Variants in CTNNA3 observed in about 807,000 individuals in gnomAD.
CTNNA3 encodes the protein catenin alpha-3.
A neutral mutation model predicts 95.7 loss-of-function variants in CTNNA3; 76 were observed. The observed-to-expected ratio is 0.79, with a 90% CI of 0.66 to 0.96. CTNNA3 has a LOEUF of 0.96. Ranked by LOEUF, CTNNA3 falls within the 40% of genes least tolerant of loss-of-function variation. CTNNA3 has a pLI of 0.00. For missense variants in CTNNA3, 1,191 were observed against 1,089.8 expected (o/e 1.09, Z -1.31); for synonymous variants, 431 against 374.4 (o/e 1.15, Z -1.74).
chr10:66,096,762 G>C (rs924596748), intron 14 of CTNNA3, among the ~76,000 whole-genome samples: 1 of 151,988 alleles, frequency 6.6e-6, no homozygotes, highest in Non-Finnish European at 1.5e-5. Context: ...GGCCTCAAGT[G>C]ATCCACCCAC....
intron 4 of CTNNA3, among the ~76,000 whole-genome samples, chr10:67,538,280 T>C (rs1840551645): frequency 6.7e-6 from 1 of 148,702 alleles, no homozygotes; most frequent in Non-Finnish European, 1.5e-5. Context: ...CAATAGTGAA[T>C]ACAAGAAAGA....
chr10:67,647,579 C>T (rs1403217740), intron 1 of CTNNA3, 61 bp from the exon 2 acceptor site: 3 of 1,352,738 alleles, frequency 2.2e-6, no homozygotes. Context: ...AAGAAGAACA[C>T]TTATGAAATC....
At position 67,547,267 on chromosome 10, in the gene CTNNA3, T is replaced by C. The variant is rs116029862; in HGVS notation, c.293-7598A>G. Among the ~76,000 whole-genome samples the C allele has an allele frequency of 7.3e-3, 1,119 of 152,284 alleles. 18 individuals carry two copies. The highest frequency in any genetic ancestry group is 0.026 in the African/African-American group (1,071 of 41,564). Reference sequence around the variant, plus strand: ...CATATGCACAATTCCTAGATTTCAATATTTTATGTATGATTTAAAAGTTCT... The same window carrying C: ...CATATGCACAATTCCTAGATTTCAACATTTTATGTATGATTTAAAAGTTCT... On this transcript the variant is annotated intron_variant, in intron 3 of 17. Coordinates refer to ENST00000433211, the MANE Select transcript of CTNNA3 (RefSeq NM_013266.4).
intron 5 of CTNNA3, among the ~76,000 whole-genome samples, chr10:67,254,055 C>T (rs937658197): frequency 1.3e-5 from 2 of 152,108 alleles, no homozygotes; most frequent in East Asian, 3.9e-4. Flanking sequence ...TCCTTTCTTA[C>T]CAATTTATTT....
chr10:67,326,489 G>T (rs1265410087), intron 5 of CTNNA3, among the ~76,000 whole-genome samples: 2 of 152,256 alleles, frequency 1.3e-5, no homozygotes, highest in South Asian at 4.1e-4. Flanking sequence ...ATGCAGCTTA[G>T]TTTGGCCGGA....
chr10:67,182,252 A>C (rs529158383), intron 6 of CTNNA3, among the ~76,000 whole-genome samples: 3 of 152,340 alleles, frequency 2.0e-5, no homozygotes, highest in African/African-American at 7.2e-5. Flanking sequence ...AAGCCAAAAG[A>C]ATAAAGCTGG....
chr10:66,831,576 A>T (rs1842721874), intron 7 of CTNNA3, among the ~76,000 whole-genome samples: 1 of 152,146 alleles, frequency 6.6e-6, no homozygotes, highest in African/African-American at 2.4e-5. Flanking sequence ...TACTGGTTTG[A>T]TTCCTCTCCT....
At chr10:67,346,789 T>C (rs1449718749) in intron 5 of CTNNA3, 3 of 436,988 alleles carry the variant, frequency 6.9e-6, no homozygotes, top group Admixed American at 2.5e-5. Context: ...TTAAAGAGTG[T>C]CAAGATCATT....
intron 14 of CTNNA3, among the ~76,000 whole-genome samples, chr10:66,086,000 T>G (rs2080968020): frequency 6.6e-6 from 1 of 152,172 alleles, no homozygotes; most frequent in Admixed American, 6.6e-5. Flanking sequence ...ACAATCAGTT[T>G]GTACAAGCTA....
chr10:66,331,336 T>A (rs1168307956), intron 12 of CTNNA3, among the ~76,000 whole-genome samples: 1 of 57,602 alleles, frequency 1.7e-5, no homozygotes, highest in African/African-American at 5.7e-5. Flanking sequence ...CCTTTCCCCA[T>A]TGTTTGTTTT....
intron 2 of CTNNA3, among the ~76,000 whole-genome samples, chr10:67,608,195 T>G (rs1843344303): frequency 6.6e-6 from 1 of 152,102 alleles, no homozygotes; most frequent in South Asian, 2.1e-4. Context: ...GATTTGGACT[T>G]TGTCCCCTGA....
chr10:66,534,774 C>A (rs2132059695), intron 10 of CTNNA3, among the ~76,000 whole-genome samples: 1 of 150,752 alleles, frequency 6.6e-6, no homozygotes, highest in African/African-American at 2.4e-5. Context: ...GATTAGAAAA[C>A]ATAAATTAAC....
At chr10:66,266,194 A>G (rs1339645204) in intron 13 of CTNNA3, among the ~76,000 whole-genome samples, 2 of 151,830 alleles carry the variant, frequency 1.3e-5, no homozygotes, top group Non-Finnish European at 2.9e-5. Context: ...AAAACGTGCC[A>G]TAAGTAAGGC....
intron 15 of CTNNA3, among the ~76,000 whole-genome samples, chr10:65,997,024 T>G (rs1297268917): frequency 2.4e-5 from 2 of 82,942 alleles, no homozygotes; most frequent in South Asian, 2.7e-4. Flanking sequence ...ATTAATTGTG[T>G]TTTTTTTAAT....
At chr10:66,448,981 C>G (rs2093444165) in intron 11 of CTNNA3, among the ~76,000 whole-genome samples, 1 of 151,910 alleles carries the variant, frequency 6.6e-6, no homozygotes, top group South Asian at 2.1e-4. Flanking sequence ...ATGTCTCTTT[C>G]TTTTTGAAAG....
intron 1 of CTNNA3, among the ~76,000 whole-genome samples, chr10:67,731,668 G>C (rs1841275048): frequency 4.0e-5 from 6 of 151,566 alleles, no homozygotes; most frequent in Admixed American, 3.3e-4. Flanking sequence ...CAGTCGTGGT[G>C]GTGGGCGCCT....
chr10:67,510,231 C>T (rs1467616180), intron 5 of CTNNA3, among the ~76,000 whole-genome samples: 1 of 152,116 alleles, frequency 6.6e-6, no homozygotes, highest in Non-Finnish European at 1.5e-5. Context: ...GTTGCCATTG[C>T]TTTGGGTGTT....
chr10:66,914,618 T>C (rs12775246), intron 7 of CTNNA3, among the ~76,000 whole-genome samples: 3,569 of 150,642 alleles, frequency 0.024, 63 homozygotes, highest in Admixed American at 0.035. Flanking sequence ...AACAGTATGC[T>C]ATGAAGAAGG....
At chr10:66,728,914 G>T (rs1181837412) in intron 9 of CTNNA3, among the ~76,000 whole-genome samples, 1 of 152,108 alleles carries the variant, frequency 6.6e-6, no homozygotes, top group Non-Finnish European at 1.5e-5. Flanking sequence ...TAGATCTTGA[G>T]TTAATTTTTG....
Sources: allele counts gnomAD v4.1 joint callset (sites outside exome capture counted in the v4.1 genomes callset), GRCh38; gene constraint gnomAD v4.1.1; transcripts MANE v1.5; gene names NCBI Gene and HGNC (gene_info 2026-07-23, HGNC 2026-07-21).